The following OR51B5 variants were observed in gnomAD, a reference collection of about 807,000 sequenced individuals.
OR51B5 encodes the protein olfactory receptor 51B5.
For missense variants in OR51B5, 456 were observed against 374.6 expected, an observed-to-expected ratio of 1.22 and a Z score of -1.79; for synonymous variants, 186 against 144.8, an observed-to-expected ratio of 1.28 and a Z score of -2.04.
At chr11:5,468,711 G>T (rs1480986304) in intron 1 of OR51B5, 1 of 456,558 alleles carries the variant, frequency 2.2e-6, no homozygotes, top group East Asian at 6.9e-5. Context: ...AGTGTCTTAA[G>T]CCTCTCACCC....
intron 1 of OR51B5, among the ~76,000 whole-genome samples, chr11:5,480,219 A>C (rs1215419872): frequency 6.6e-6 from 1 of 150,608 alleles, no homozygotes; most frequent in Admixed American, 6.6e-5. Context: ...AAAACCACTC[A>C]ACTACATGGA....
intron 1 of OR51B5, among the ~76,000 whole-genome samples, chr11:5,413,294 A>G (rs1245462366): frequency 6.6e-6 from 1 of 152,102 alleles, no homozygotes; most frequent in Admixed American, 6.5e-5. Flanking sequence ...GTACATCACC[A>G]TCATCAAAGA....
At chr11:5,477,862 C>T (rs1308143567) in intron 1 of OR51B5, among the ~76,000 whole-genome samples, 2 of 152,256 alleles carry the variant, frequency 1.3e-5, no homozygotes, top group East Asian at 1.9e-4. Flanking sequence ...GAGGGTCCTA[C>T]GCCCACGGAG....
intron 1 of OR51B5, among the ~76,000 whole-genome samples, chr11:5,419,079 C>G (rs1488490926): frequency 6.6e-6 from 1 of 152,096 alleles, no homozygotes; most frequent in Non-Finnish European, 1.5e-5. Context: ...TATATCTTCA[C>G]TCTCCTTCAA....
At chr11:5,422,543 T>G in intron 1 of OR51B5, 3 of 1,614,184 alleles carry the variant, frequency 1.9e-6, no homozygotes, top group Non-Finnish European at 2.5e-6. Flanking sequence ...TATGGAGTCT[T>G]CTGTCCTCCT....
At chr11:5,485,342 TAGTG>T (rs1295503349) in intron 1 of OR51B5, among the ~76,000 whole-genome samples, 1 of 152,226 alleles carries the variant, frequency 6.6e-6, no homozygotes, top group East Asian at 1.9e-4. Flanking sequence ...GAAGTTATAA[TAGTG>T]AGAGCTCTAG....
upstream of OR51B5, among the ~76,000 whole-genome samples, chr11:5,348,057 AAAC>A (rs1849020765): frequency 7.8e-6 from 1 of 128,598 alleles, no homozygotes; most frequent in Non-Finnish European, 1.8e-5. Flanking sequence ...GGCAAAAAAA[AAAC>A]AGAGAGATCG....
chr11:5,393,074 T>C (rs1474588566), intron 1 of OR51B5: 1 of 152,226 alleles, frequency 6.6e-6, no homozygotes, highest in East Asian at 1.9e-4. Context: ...GTCTCAGAAA[T>C]GCCACTTCTA....
intron 1 of OR51B5, chr11:5,403,263 A>G: frequency 2.1e-6 from 1 of 471,548 alleles, no homozygotes; most frequent in Non-Finnish European, 4.4e-6. Flanking sequence ...CTATGGGCTC[A>G]TACTCCACAC....
intron 1 of OR51B5, among the ~76,000 whole-genome samples, chr11:5,462,674 C>T (rs1851075777): frequency 6.6e-6 from 1 of 152,210 alleles, no homozygotes; most frequent in Non-Finnish European, 1.5e-5. Flanking sequence ...AGGAGGATAT[C>T]CAATATTCCA....
chr11:5,433,002 A>C (rs1287571027), intron 1 of OR51B5, among the ~76,000 whole-genome samples: 4 of 152,186 alleles, frequency 2.6e-5, no homozygotes, highest in Non-Finnish European at 5.9e-5. Context: ...TTTTGAATGA[A>C]AGTGAGACTA....
chr11:5,453,643 AG>A (rs1850893080), intron 1 of OR51B5: 1 of 1,613,428 alleles, frequency 6.2e-7, no homozygotes, highest in South Asian at 1.1e-5. Context: ...GTGCGAGTGG[AG>A]CCCAGCCTCC....
chr11:5,475,755 G>A (rs954910591), intron 1 of OR51B5, among the ~76,000 whole-genome samples: 8 of 152,048 alleles, frequency 5.3e-5, no homozygotes, highest in African/African-American at 1.9e-4. Flanking sequence ...ATGATGTTTA[G>A]CAAATATTAG....
chr11:5,377,743 C>A (rs1849549249), intron 1 of OR51B5, among the ~76,000 whole-genome samples: 1 of 151,334 alleles, frequency 6.6e-6, no homozygotes, highest in Non-Finnish European at 1.5e-5. Context: ...ACCTAGGAAT[C>A]CAACTTACAA....
chr11:5,453,713 G>C, intron 1 of OR51B5: 1 of 1,613,926 alleles, frequency 6.2e-7, no homozygotes, highest in South Asian at 1.1e-5. Context: ...CCATATCCAT[G>C]GCCACACTGC....
At chr11:5,405,709 A>G (rs536603845) in intron 1 of OR51B5, among the ~76,000 whole-genome samples, 4 of 152,364 alleles carry the variant, frequency 2.6e-5, no homozygotes, top group African/African-American at 4.8e-5. Context: ...CATTGTAAAG[A>G]TGTCAATAAT....
intron 1 of OR51B5, among the ~76,000 whole-genome samples, chr11:5,379,297 T>A (rs1325165123): frequency 1.3e-5 from 2 of 151,728 alleles, no homozygotes; most frequent in Non-Finnish European, 2.9e-5. Flanking sequence ...AACATCACAC[T>A]CTGGGGACTG....
At chr11:5,376,083 A>G (rs1186235964) in intron 1 of OR51B5, among the ~76,000 whole-genome samples, 9 of 151,982 alleles carry the variant, frequency 5.9e-5, no homozygotes, top group South Asian at 2.1e-4. Context: ...CTCAGCAAAT[A>G]TAAAAGAACA....
At chr11:5,465,674 C>G (rs2133797085) in intron 1 of OR51B5, among the ~76,000 whole-genome samples, 1 of 142,152 alleles carries the variant, frequency 7.0e-6, no homozygotes, top group Admixed American at 7.2e-5. Context: ...ACTATCTGAT[C>G]TTTGACAAAC....
Sources: allele counts gnomAD v4.1 joint callset (sites outside exome capture counted in the v4.1 genomes callset), GRCh38; gene constraint gnomAD v4.1.1; transcripts MANE v1.5; gene names NCBI Gene and HGNC (gene_info 2026-07-23, HGNC 2026-07-21).